TCF4: variants seen among roughly 807,000 people sequenced by gnomAD.
The protein encoded by TCF4 is transcription factor 4.
Under a neutral mutation model 82.1 loss-of-function variants are expected in TCF4, and 3 were observed. That is an observed-to-expected ratio of 0.04 (90% CI 0.02 to 0.09). The LOEUF (loss-of-function observed/expected upper bound fraction) is 0.09, where lower values mean the gene tolerates loss of function less well. TCF4 is among the 10% of genes least tolerant of loss of function. The pLI is 1.00. For synonymous variants in TCF4, 276 were observed against 309.6 expected, an observed-to-expected ratio of 0.89 and a Z score of 1.14; for missense variants, 518 against 852.7, an observed-to-expected ratio of 0.61 and a Z score of 4.89.
chr18:55,322,092 CTTT>C, intron 8 of TCF4: 3 of 944,014 alleles, frequency 3.2e-6, no homozygotes, highest in African/African-American at 2.1e-5. Context: ...TTTTTCTTTT[CTTT>C]TTTTTTTTCC....
At chr18:55,542,963 C>T (rs2097177159) in intron 3 of TCF4, among the ~76,000 whole-genome samples, 2 of 151,954 alleles carry the variant, frequency 1.3e-5, no homozygotes, top group South Asian at 4.1e-4. Flanking sequence ...CCAGGCACTC[C>T]CCATTTACTG....
intron 8 of TCF4, among the ~76,000 whole-genome samples, chr18:55,338,609 T>G (rs1335079849): frequency 1.3e-5 from 2 of 152,238 alleles, no homozygotes; most frequent in African/African-American, 4.8e-5. Context: ...TTCCTTCTTT[T>G]TCTTTCATGA....
chr18:55,461,247 T>C, intron 4 of TCF4, 132 bp from the exon 5 acceptor site: 1 of 720,076 alleles, frequency 1.4e-6, no homozygotes, highest in Non-Finnish European at 2.3e-6. Flanking sequence ...GGAACTTCAC[T>C]AGAAGGAATC....
chr18:55,474,876 G>A (rs2096259716), intron 3 of TCF4, among the ~76,000 whole-genome samples: 1 of 152,092 alleles, frequency 6.6e-6, no homozygotes, highest in South Asian at 2.1e-4. Context: ...CTAGGCTTAG[G>A]AGATCCTCCC....
chr18:55,518,494 T>A (rs1231802044), intron 3 of TCF4, among the ~76,000 whole-genome samples: 1 of 152,092 alleles, frequency 6.6e-6, no homozygotes, highest in East Asian at 1.9e-4. Flanking sequence ...ATTAAAAAAT[T>A]CAGAATGTAA....
At chr18:55,393,527 C>G (rs897531128) in intron 6 of TCF4, among the ~76,000 whole-genome samples, 3 of 152,168 alleles carry the variant, frequency 2.0e-5, no homozygotes, top group Non-Finnish European at 4.4e-5. Context: ...TCACAAGCCA[C>G]AACGTGAGTT....
At chr18:55,358,258 A>G (rs2084100862) in intron 6 of TCF4, among the ~76,000 whole-genome samples, 1 of 152,264 alleles carries the variant, frequency 6.6e-6, no homozygotes, top group Admixed American at 6.5e-5. Context: ...GGTCTTAAAT[A>G]ACTACTGTGC....
intron 15 of TCF4, among the ~76,000 whole-genome samples, chr18:55,246,717 T>A (rs983953543): frequency 6.6e-6 from 1 of 152,154 alleles, no homozygotes; most frequent in Non-Finnish European, 1.5e-5. Flanking sequence ...TGTCCTTTTT[T>A]TTTTCAGTTT....
intron 5 of TCF4, among the ~76,000 whole-genome samples, chr18:55,414,771 T>A (rs2094469624): frequency 6.6e-6 from 1 of 152,190 alleles, no homozygotes; most frequent in African/African-American, 2.4e-5. Context: ...CAGTGATTTG[T>A]TCCTTTAACA....
chr18:55,521,973 C>T (rs972744433), intron 3 of TCF4, among the ~76,000 whole-genome samples: 1 of 152,130 alleles, frequency 6.6e-6, no homozygotes, highest in East Asian at 1.9e-4. Context: ...CTACCATCCC[C>T]ACGGCTGGGG....
upstream of TCF4, among the ~76,000 whole-genome samples, chr18:55,590,826 C>T (rs1292359398): frequency 1.3e-5 from 2 of 152,164 alleles, no homozygotes; most frequent in Non-Finnish European, 2.9e-5. Flanking sequence ...AAGAATAACC[C>T]TATGGAGTAT....
At chr18:55,297,147 GT>G (rs35268463) in intron 8 of TCF4, among the ~76,000 whole-genome samples, 5,567 of 64,232 alleles carry the variant, frequency 0.087, 145 homozygotes, top group African/African-American at 0.22. Context: ...TTTCTTTGAG[GT>G]TTTTTTTTTT....
chr18:55,418,603 T>G (rs2094605499), intron 5 of TCF4, among the ~76,000 whole-genome samples: 1 of 152,190 alleles, frequency 6.6e-6, no homozygotes, highest in African/African-American at 2.4e-5. Context: ...CCATAACAAT[T>G]ATCATTTATA....
intron 6 of TCF4, among the ~76,000 whole-genome samples, chr18:55,381,812 C>G (rs943411667): frequency 6.6e-6 from 1 of 152,018 alleles, no homozygotes; most frequent in African/African-American, 2.4e-5. Flanking sequence ...TAGTTCCTAG[C>G]TGAACTCTGA....
intron 8 of TCF4, among the ~76,000 whole-genome samples, chr18:55,316,976 C>T (rs1455470391): frequency 6.6e-6 from 1 of 151,926 alleles, no homozygotes; most frequent in East Asian, 1.9e-4. Context: ...CTCACAGAAA[C>T]GTTCAAACTG....
At chr18:55,588,328 G>C (rs2097672955), upstream of TCF4, 3 of 1,475,846 alleles carry the variant, frequency 2.0e-6, no homozygotes, top group Non-Finnish European at 1.8e-6. Flanking sequence ...TGGGTGGGGG[G>C]GCTCCGGCGG....
At chr18:55,265,558 G>A (rs2058971479) in intron 11 of TCF4, 1 of 152,112 alleles carries the variant, frequency 6.6e-6, no homozygotes, top group African/African-American at 2.4e-5. Context: ...TGGTGGTCTT[G>A]GTAACTAAGA....
At chr18:55,336,917 A>G (rs552499045) in intron 8 of TCF4, among the ~76,000 whole-genome samples, 1 of 152,278 alleles carries the variant, frequency 6.6e-6, no homozygotes, top group East Asian at 1.9e-4. Flanking sequence ...ATCTGCAACT[A>G]ATTAATATGC....
At chr18:55,453,729 A>G (rs1021727838) in intron 5 of TCF4, among the ~76,000 whole-genome samples, 3 of 152,102 alleles carry the variant, frequency 2.0e-5, no homozygotes, top group African/African-American at 7.2e-5. Context: ...CTGACTGGAC[A>G]AAAGGAAATC....
Sources: allele counts gnomAD v4.1 joint callset (sites outside exome capture counted in the v4.1 genomes callset), GRCh38; gene constraint gnomAD v4.1.1; transcripts MANE v1.5; gene names NCBI Gene and HGNC (gene_info 2026-07-23, HGNC 2026-07-21).